DLC1: variants seen among roughly 807,000 people sequenced by gnomAD.
The protein encoded by DLC1 is rho GTPase-activating protein 7.
A neutral mutation model predicts 140.3 loss-of-function variants in DLC1; 54 were observed. That is an observed-to-expected ratio of 0.38 (90% CI 0.31 to 0.48). The LOEUF (loss-of-function observed/expected upper bound fraction) is 0.48. DLC1 is among the 20% of genes least tolerant of loss of function. DLC1 has a pLI of 0.96. For synonymous variants in DLC1, 986 were observed against 728.1 expected (o/e 1.35, Z -5.70); for missense variants, 2,536 against 1,907.0 (o/e 1.33, Z -6.14).
At position 13,457,013 on chromosome 8, in the gene DLC1, T is replaced by G. The variant is rs188113579; in HGVS notation, c.1023+42036A>C. Among the ~76,000 whole-genome samples, 38 of 152,348 alleles carry G rather than the reference T, an allele frequency of 2.5e-4. No individual in the cohort carries two copies. In the East Asian group the frequency reaches 6.0e-3, roughly 24 times the overall value. ...TGTAGAACACAACCTTCATTACCAC[T>G]TAGATAATCTGTATTACATTGACAA... is the stretch of plus-strand genomic sequence containing the variant. On this transcript the variant is annotated intron_variant, in intron 2 of 17. Coordinates refer to ENST00000276297, the MANE Select transcript of DLC1 (RefSeq NM_182643.3).
intron 1 of DLC1, among the ~76,000 whole-genome samples, chr8:13,574,691 A>G (rs551160987): frequency 6.6e-6 from 1 of 152,290 alleles, no homozygotes; most frequent in African/African-American, 2.4e-5. Context: ...TCTGTGCCTA[A>G]AAACAAATCT....
intron 5 of DLC1, chr8:13,276,560 T>G (rs1266640414): frequency 2.4e-6 from 3 of 1,273,670 alleles, no homozygotes; most frequent in Non-Finnish European, 3.0e-6. Context: ...GGCGGCCTCC[T>G]GGCCCGCGGC....
intron 2 of DLC1, among the ~76,000 whole-genome samples, chr8:13,415,159 G>A (rs1273683679): frequency 1.3e-5 from 2 of 151,940 alleles, no homozygotes; most frequent in Non-Finnish European, 2.9e-5. Flanking sequence ...GCCATACAAT[G>A]TGATTTGATG....
At chr8:13,505,513 A>G (rs1802017836) in intron 1 of DLC1, among the ~76,000 whole-genome samples, 1 of 152,196 alleles carries the variant, frequency 6.6e-6, no homozygotes, top group Admixed American at 6.5e-5. Flanking sequence ...AAATTTTAAA[A>G]TGTTCTACAG....
intron 2 of DLC1, among the ~76,000 whole-genome samples, chr8:13,427,881 C>G (rs369573232): frequency 5.9e-5 from 9 of 152,202 alleles, no homozygotes; most frequent in African/African-American, 1.9e-4. Context: ...CTTCTTCTGA[C>G]TTTGTACCTC....
chr8:13,478,494 C>A (rs1800541148), intron 2 of DLC1, among the ~76,000 whole-genome samples: 1 of 152,166 alleles, frequency 6.6e-6, no homozygotes, highest in African/African-American at 2.4e-5. Context: ...CAGGGATGAA[C>A]TCTTAGCTAA....
chr8:13,099,633 T>C lies in DLC1; in HGVS notation c.2704A>G (p.Ile902Val), dbSNP rs759492017. 2.0e-5 allele frequency: 33 copies of C among 1,614,066 alleles called. No homozygotes were observed. Among genetic ancestry groups the C allele is most frequent in the Non-Finnish European group, 2.5e-5 (29 of 1,180,032 alleles). The change falls in exon 9 of 18, where the codon ATC (isoleucine) becomes GTC (valine). Residue 902 changes from isoleucine (I) to valine (V), a missense_variant. Physicochemically the swap from Ile to Val is conservative, Grantham distance 29. Transcript: ENST00000276297. The stretch of plus-strand genomic sequence containing the variant: ...AGGATGTCGTCCAGCTCGGGGAAGA[T>C]GTCCTCGTTCTCCAGATCCGCCAGG... ...GDLADLENEDIFPELDDILYH... is the reference protein window; with the variant it reads ...GDLADLENEDVFPELDDILYH...
At chr8:13,518,326 C>G (rs769207986), upstream of DLC1, among the ~76,000 whole-genome samples, 7 of 152,124 alleles carry the variant, frequency 4.6e-5, no homozygotes, top group Non-Finnish European at 7.4e-5. Context: ...CCAGGGTGGT[C>G]TTAAACTCCT....
At chr8:13,348,102 CAAACAAAT>C (rs1449021801) in intron 4 of DLC1, among the ~76,000 whole-genome samples, 31 of 104,104 alleles carry the variant, frequency 3.0e-4, no homozygotes, top group Middle Eastern at 4.4e-3. Context: ...AACAAACAAA[CAAACAAAT>C]AAACAAACAA....
At chr8:13,567,591 C>G in intron 1 of DLC1, 2 of 1,551,764 alleles carry the variant, frequency 1.3e-6, no homozygotes, top group Non-Finnish European at 1.7e-6. Context: ...ATCAGTGTCC[C>G]TATTGTAACA....
intron 2 of DLC1, among the ~76,000 whole-genome samples, chr8:13,454,186 T>G (rs1311386219): frequency 6.6e-6 from 1 of 152,182 alleles, no homozygotes; most frequent in African/African-American, 2.4e-5. Flanking sequence ...AACAAAATGC[T>G]GAGAATCATG....
At chr8:13,124,243 C>G (rs1000582434) in intron 5 of DLC1, among the ~76,000 whole-genome samples, 4 of 152,108 alleles carry the variant, frequency 2.6e-5, no homozygotes, top group African/African-American at 7.2e-5. Context: ...TCCCTTCTCG[C>G]TAGTGGACAA....
rs551756420 is a variant in DLC1 at position 13,437,289 on chromosome 8, C to T, written c.1024-35670G>A. On this transcript the variant is annotated intron_variant, in intron 2 of 17. Coordinates refer to ENST00000276297, the MANE Select transcript of DLC1 (RefSeq NM_182643.3). The stretch of plus-strand genomic sequence containing the variant: ...GGGACAGTGTATTTAAGGCCTGCTG[C>T]CTGATTTTCACTAGACATGCTGCTA... 3.3e-5 allele frequency among the ~76,000 whole-genome samples: 5 copies of T among 152,292 alleles called. No individual in the cohort carries two copies. In the East Asian group the frequency reaches 9.7e-4, roughly 29 times the overall value.
intron 4 of DLC1, among the ~76,000 whole-genome samples, chr8:13,308,075 C>T (rs1832527891): frequency 6.6e-6 from 1 of 152,108 alleles, no homozygotes; most frequent in African/African-American, 2.4e-5. Flanking sequence ...ACAAGTTGAC[C>T]AGTGACAAAA....
At chr8:13,529,744 G>A (rs1377808010) in intron 1 of DLC1, among the ~76,000 whole-genome samples, 2 of 152,122 alleles carry the variant, frequency 1.3e-5, no homozygotes, top group Non-Finnish European at 2.9e-5. Context: ...AGACTACTAT[G>A]TTCTAGAAAT....
chr8:13,100,102 G>C lies in DLC1; in HGVS notation c.2235C>G (p.Ser745Arg), dbSNP rs758704546. ...SNSTQTSSSS[S>R]QSETSSAVST... ...TGACCGCGCTGCTGGTCTCCGACTGGCTGCTGCTGCTGCTGGTCTGCGTGG... is the reference window on the plus strand; with the variant it reads ...TGACCGCGCTGCTGGTCTCCGACTGCCTGCTGCTGCTGCTGGTCTGCGTGG... Residue 745 changes from serine (S) to arginine (R), a missense_variant, in exon 9 of 18, where the codon AGC (serine) becomes AGG (arginine). Physicochemically the swap from Ser to Arg is moderately radical, Grantham distance 110. Coordinates refer to ENST00000276297, the MANE Select transcript of DLC1 (RefSeq NM_182643.3). 6.2e-7 allele frequency: 1 copy of C among 1,603,288 alleles called. No individual in the cohort carries two copies. Among genetic ancestry groups the C allele is most frequent in the Non-Finnish European group, 8.5e-7 (1 of 1,174,896 alleles).
At chr8:13,582,883 TATATATATATATATATATATA>T (rs904319200) in intron 1 of DLC1, among the ~76,000 whole-genome samples, 9 of 34,798 alleles carry the variant, frequency 2.6e-4, no homozygotes, top group Non-Finnish European at 3.1e-4. Context: ...GTGGTCTATA[TATATATATATATATATATATA>T]TATATATATA....
At chr8:13,429,229 A>C (rs1430911795) in intron 2 of DLC1, among the ~76,000 whole-genome samples, 2 of 152,244 alleles carry the variant, frequency 1.3e-5, no homozygotes, top group African/African-American at 2.4e-5. Flanking sequence ...ACCAAATCAT[A>C]GTGGAAGAGA....
At chr8:13,483,491 G>T (rs1800833383) in intron 2 of DLC1, among the ~76,000 whole-genome samples, 1 of 152,182 alleles carries the variant, frequency 6.6e-6, no homozygotes, top group Non-Finnish European at 1.5e-5. Context: ...TTCAGTTTTT[G>T]AGGGGTTCAG....
Sources: gnomAD v4.1 joint callset for allele counts (sites outside exome capture counted in the v4.1 genomes callset) on GRCh38, gnomAD v4.1.1 for gene constraint, MANE v1.5 for transcripts, NCBI Gene and HGNC (gene_info 2026-07-23, HGNC 2026-07-21) for gene names.